The following CEP350 variants were observed in gnomAD, a reference collection of about 807,000 sequenced individuals.
CEP350 encodes the protein centrosome-associated protein 350.
In CEP350, 126 loss-of-function variants were observed where a neutral mutation model predicts 331.8. The observed-to-expected ratio is 0.38, with a 90% CI of 0.33 to 0.44. CEP350 has a LOEUF of 0.44. CEP350 is among the 20% of genes least tolerant of loss of function. The probability of loss-of-function intolerance (pLI) is 1.00; values close to 1 mark genes in which losing one functional copy is unlikely to be tolerated. For synonymous variants in CEP350, 1,200 were observed against 1,259.5 expected, an observed-to-expected ratio of 0.95 and a Z score of 1.00; for missense variants, 3,406 against 3,634.6, an observed-to-expected ratio of 0.94 and a Z score of 1.62.
At chr1:179,999,766 GTATT>G (rs1175683273) in intron 6 of CEP350, among the ~76,000 whole-genome samples, 1 of 151,980 alleles carries the variant, frequency 6.6e-6, no homozygotes, top group Non-Finnish European at 1.5e-5. Flanking sequence ...GTGTGTCTGT[GTATT>G]TATTTATTTT....
At chr1:180,010,752 T>C (rs987850966) in intron 8 of CEP350, among the ~76,000 whole-genome samples, 39 of 151,696 alleles carry the variant, frequency 2.6e-4, no homozygotes, top group Admixed American at 2.6e-3. Flanking sequence ...CAGGCACGCA[T>C]CACTGTACCC....
chr1:180,073,003 A>C (rs1658996929), intron 27 of CEP350, among the ~76,000 whole-genome samples: 1 of 152,148 alleles, frequency 6.6e-6, no homozygotes, highest in African/African-American at 2.4e-5. Context: ...AAAGAAGAAA[A>C]TATGTTTTTT....
chr1:180,073,973 G>A, intron 27 of CEP350: 1 of 1,259,690 alleles, frequency 7.9e-7, no homozygotes, highest in Non-Finnish European at 1.0e-6. Flanking sequence ...TGTTTGTTTT[G>A]TTTGCTTTTC....
At chr1:180,019,843 C>CTTTTT in intron 11 of CEP350, 106 bp from the exon 12 acceptor site, 1 of 890,216 alleles carries the variant, frequency 1.1e-6, no homozygotes, top group Non-Finnish European at 1.6e-6. Flanking sequence ...TTTATCTGTC[C>CTTTTT]TTTTTTTGTT....
At chr1:180,017,682 C>T (rs1409506187) in intron 11 of CEP350, among the ~76,000 whole-genome samples, 1 of 152,188 alleles carries the variant, frequency 6.6e-6, no homozygotes, top group Non-Finnish European at 1.5e-5. Context: ...CTTCTGAGCT[C>T]CCCCATTCCC....
At chr1:180,038,161 CTG>C (rs1403481528) in intron 17 of CEP350, among the ~76,000 whole-genome samples, 5 of 152,128 alleles carry the variant, frequency 3.3e-5, no homozygotes. Context: ...ACTTTGAACT[CTG>C]TGTTTAGCTT....
chr1:180,028,915 T>C (rs1216831246), intron 14 of CEP350, among the ~76,000 whole-genome samples: 2 of 152,198 alleles, frequency 1.3e-5, no homozygotes, highest in African/African-American at 4.8e-5. Context: ...TAGGTAGCAT[T>C]TTGTGGCTTT....
At chr1:179,976,558 G>A (rs1651882647) in intron 1 of CEP350, among the ~76,000 whole-genome samples, 1 of 151,784 alleles carries the variant, frequency 6.6e-6, no homozygotes, top group African/African-American at 2.4e-5. Context: ...GGAGGCTGAG[G>A]CAGGAGAATG....
At chr1:179,957,813 A>G (rs1459777250) in intron 1 of CEP350, among the ~76,000 whole-genome samples, 2 of 152,212 alleles carry the variant, frequency 1.3e-5, no homozygotes, top group Admixed American at 6.5e-5. Context: ...TGCTCTGGCA[A>G]CAGGTTACGG....
At chr1:180,012,182 A>G (rs1654702062) in intron 9 of CEP350, 107 bp downstream of exon 9, 1 of 1,069,096 alleles carries the variant, frequency 9.4e-7, no homozygotes, top group South Asian at 1.7e-5. Flanking sequence ...TTGCTTTATA[A>G]TTTTGAATGT....
rs573848427 is a variant in CEP350 at position 180,096,241 on chromosome 1, T to C, written c.9066+57T>C. 1.8e-5 allele frequency: 27 copies of C among 1,493,740 alleles called. No individual in the cohort carries two copies. In the East Asian group the frequency reaches 6.2e-4, roughly 34 times the overall value. The allele number at this position is 1,493,740 out of a possible 1,614,324, so 92.5% of individuals were successfully genotyped here. A position where few individuals can be genotyped will look rare whatever the true frequency, so the allele number is the denominator to read the frequency against. On this transcript the variant is annotated intron_variant, in intron 36 of 37. Transcript: ENST00000367607. ...TTGACTTGCTGTTCATTTACACATA[T>C]CTGTAAATGTTGTAAAAGCAGGTGC... is the stretch of plus-strand genomic sequence containing the variant.
Position 180,020,685 on chromosome 1 carries a change from G to T in CEP350, c.2911G>T (p.Ala971Ser), listed in dbSNP as rs1255041227. The T allele has an allele frequency of 5.6e-6, 9 of 1,613,840 alleles. No homozygotes were observed. The highest frequency in any genetic ancestry group is 7.6e-6 in the Non-Finnish European group (9 of 1,179,862). ...TATGCAAGCCTGTTCTCAAGACAAAGCCAAAATATCTCTTGGTTCCAGCAT... is the reference window on the plus strand; with the variant it reads ...TATGCAAGCCTGTTCTCAAGACAAATCCAAAATATCTCTTGGTTCCAGCAT... Reference protein sequence around the residue: ...SDMQACSQDKAKISLGSSIDS... With the variant: ...SDMQACSQDKSKISLGSSIDS... The change falls in exon 12 of 38, where the codon GCC becomes TCC. Residue 971 changes from alanine to serine, a missense_variant. By Grantham distance (99) the Ala-to-Ser change is moderately conservative (BLOSUM62 1). Around this residue, in one of 5 missense-constraint regions of CEP350, gnomAD observed 1,857 missense variants for 1,909.2 expected, o/e 0.97. Transcript: ENST00000367607.
intron 1 of CEP350, among the ~76,000 whole-genome samples, chr1:179,962,117 T>C (rs1650674807): frequency 6.6e-6 from 1 of 151,758 alleles, no homozygotes; most frequent in Admixed American, 6.6e-5. Context: ...AAGGTACTGG[T>C]ATTACAGGCG....
At chr1:180,004,185 T>C (rs927425440) in intron 7 of CEP350, among the ~76,000 whole-genome samples, 21 of 152,330 alleles carry the variant, frequency 1.4e-4, no homozygotes, top group African/African-American at 4.8e-4. Context: ...TTATTGGTTT[T>C]TTCATCTGTA....
At chr1:179,971,553 T>G (rs1400985562) in intron 1 of CEP350, among the ~76,000 whole-genome samples, 2 of 152,180 alleles carry the variant, frequency 1.3e-5, no homozygotes, top group Non-Finnish European at 2.9e-5. Flanking sequence ...CTTGAACTCT[T>G]GGACTCAAGC....
chr1:180,108,895 A>G (rs1661314486), intron 37 of CEP350, among the ~76,000 whole-genome samples: 1 of 152,220 alleles, frequency 6.6e-6, no homozygotes, highest in Non-Finnish European at 1.5e-5. Flanking sequence ...TAGGGAACAG[A>G]GGAATAAATG....
Position 180,071,472 on chromosome 1 carries a change from A to T in CEP350, c.5568-3550A>T, listed in dbSNP as rs529311210. 9.3e-5 allele frequency among the ~76,000 whole-genome samples: 14 copies of T among 151,286 alleles called. No individual in the cohort carries two copies. In the East Asian group the frequency reaches 2.5e-3, roughly 27 times the overall value. On this transcript the variant is annotated intron_variant, in intron 27 of 37. Transcript: ENST00000367607. ...GAAACTCCATCTCAAAAAAAAAAAAAAAAAAATTTAAAAAGTGAATTAAGC... is the reference window on the plus strand; with the variant it reads ...GAAACTCCATCTCAAAAAAAAAAAATAAAAAATTTAAAAAGTGAATTAAGC...
intron 8 of CEP350, among the ~76,000 whole-genome samples, chr1:180,010,491 C>T (rs758301023): frequency 6.7e-6 from 1 of 150,062 alleles, no homozygotes; most frequent in African/African-American, 2.5e-5. Flanking sequence ...TATAATTTTA[C>T]CAGCATTGAC....
Position 180,111,209 on chromosome 1 carries a change from C to T in CEP350, c.*48C>T. ...CTGAGTGCTAATGTGAGTCCTGGGC[C>T]TTTCTGCCTCCTGATGTACACCCAT... is the stretch of plus-strand genomic sequence containing the variant. On this transcript the variant is annotated 3_prime_UTR_variant, in exon 38 of 38. Coordinates refer to ENST00000367607, the MANE Select transcript of CEP350 (RefSeq NM_014810.5). 1 of 1,595,954 alleles carries T rather than the reference C, an allele frequency of 6.3e-7. No individual in the cohort carries two copies. The highest frequency in any genetic ancestry group is 8.6e-7 in the Non-Finnish European group (1 of 1,168,138).
Sources: allele counts gnomAD v4.1 joint callset (sites outside exome capture counted in the v4.1 genomes callset), GRCh38; gene constraint gnomAD v4.1.1; regional missense constraint gnomAD v4.1.1; transcripts MANE v1.5; gene names NCBI Gene and HGNC (gene_info 2026-07-23, HGNC 2026-07-21).